The following TAF1D variants were observed in gnomAD, a reference collection of about 807,000 sequenced individuals.
TAF1D encodes the protein TATA box-binding protein-associated factor RNA polymerase I subunit D.
A neutral mutation model predicts 26.2 loss-of-function variants in TAF1D; 23 were observed. The observed-to-expected ratio is 0.88, with a 90% confidence interval of 0.63 to 1.25. The LOEUF (loss-of-function observed/expected upper bound fraction) is 1.25, where lower values mean the gene tolerates loss of function less well. Ranked by LOEUF, TAF1D falls within the 50% of genes most tolerant of loss-of-function variation. TAF1D has a pLI of 0.00. For synonymous variants in TAF1D, 100 were observed against 105.6 expected (o/e 0.95, Z 0.33); for missense variants, 299 against 322.0 (o/e 0.93, Z 0.55).
intron 1 of TAF1D, among the ~76,000 whole-genome samples, chr11:93,740,081 G>A (rs910880475): frequency 2.0e-5 from 3 of 151,774 alleles, no homozygotes; most frequent in Non-Finnish European, 2.9e-5. Flanking sequence ...GGTCGAGGCG[G>A]GCGGATCGCT....
chr11:93,732,423 A>G (rs1346336079), downstream of TAF1D: 3 of 518,984 alleles, frequency 5.8e-6, no homozygotes, highest in African/African-American at 1.9e-5. Flanking sequence ...ACGATGCCAG[A>G]TACTGAATTT....
intron 1 of TAF1D, among the ~76,000 whole-genome samples, chr11:93,739,978 A>AG (rs1027560776): frequency 8.6e-5 from 13 of 150,764 alleles, no homozygotes; most frequent in East Asian, 1.9e-4. Flanking sequence ...AAAAAAAAAA[A>AG]AAAAGAAAAA....
chr11:93,738,976 G>A (rs1057514323), intron 2 of TAF1D: 6 of 490,314 alleles, frequency 1.2e-5, no homozygotes, highest in Non-Finnish European at 2.2e-5. Flanking sequence ...CCGAACCGGA[G>A]GATGTAGTCT....
In TAF1D at chr11:93,738,244, TC is replaced by T. The variant is rs771380346; in HGVS notation, c.323del (p.Arg108AsnfsTer12). On this transcript the variant is annotated frameshift_variant, in exon 3 of 6. Transcript: ENST00000448108. LOFTEE classifies it high-confidence loss of function. ...ATATAGGATTTCTCCTTCCTTCTGG[TC>T]TTCCCCGTGGTCTTCCTGTTGGCTG... ...RYQPTGRPRGRPEGRRNPIYS... is the reference protein window; with the variant it reads ...RYQPTGRPRGXPEGRRNPIYS... The T allele has an allele frequency of 6.2e-7, 1 of 1,613,224 alleles. No individual in the cohort carries two copies. Among genetic ancestry groups the T allele is most frequent in the East Asian group, 2.2e-5 (1 of 44,866 alleles).
At chr11:93,734,713 A>C (rs1168267467), downstream of TAF1D, 3 of 1,286,652 alleles carry the variant, frequency 2.3e-6, no homozygotes, top group African/African-American at 4.6e-5. Context: ...TGGAATGCAA[A>C]ATTAATACTG....
At chr11:93,731,005 G>C (rs761395669), downstream of TAF1D, 1 of 518,576 alleles carries the variant, frequency 1.9e-6, no homozygotes, top group South Asian at 1.4e-5. Context: ...CTGATTGCTA[G>C]CAAAGTAGCA....
In TAF1D at chr11:93,739,313, CTT is replaced by C. The variant is rs769480253; in HGVS notation, c.-11_-10del. 2.9e-4 allele frequency: 464 copies of C among 1,602,236 alleles called. 1 individual carries two copies. The African/African-American group carries it at 4.9e-3, about 17-fold the overall frequency. ...ATTCCTGATTTATCCATCAATTGCTCTTTGTTTTAAACAGTTTTCTGAAATTA... is the reference window on the plus strand; with the variant it reads ...ATTCCTGATTTATCCATCAATTGCTCTGTTTTAAACAGTTTTCTGAAATTA... On this transcript the variant is annotated 5_prime_UTR_variant, in exon 2 of 6. Coordinates refer to ENST00000448108, the MANE Select transcript of TAF1D (RefSeq NM_024116.4).
At chr11:93,736,976 A>T (rs1940930061) in intron 4 of TAF1D, 88 bp downstream of exon 4, 1 of 1,229,862 alleles carries the variant, frequency 8.1e-7, no homozygotes, top group Non-Finnish European at 1.1e-6. Context: ...ATTTAAGTAT[A>T]ACTATATTAA....
chr11:93,736,788 C>T (rs1940890333), intron 4 of TAF1D, 37 bp from the exon 5 acceptor site: 1 of 1,573,846 alleles, frequency 6.4e-7, no homozygotes, highest in Admixed American at 1.8e-5. Flanking sequence ...ATGACAGAAT[C>T]TTCGATGACC....
rs1591292536 is a variant in TAF1D, at chr11:93,739,118, G to A, written c.68+119C>T. Reference sequence around the variant, plus strand: ...TCTATGTAACTAGATAAACTTGGAAGGTCAGTGAAATCTAGTTTTCCTTCT... The same window carrying A: ...TCTATGTAACTAGATAAACTTGGAAAGTCAGTGAAATCTAGTTTTCCTTCT... On this transcript the variant is annotated intron_variant, in intron 2 of 5. Transcript: ENST00000448108. 2.7e-5 allele frequency: 19 copies of A among 715,884 alleles called. No homozygotes were observed. The East Asian group carries it at 3.7e-4, about 14-fold the overall frequency. The allele number at this position is 715,884 out of a possible 1,614,324, so 44.3% of individuals were successfully genotyped here. A position where few individuals can be genotyped will look rare whatever the true frequency, so the allele number is the denominator to read the frequency against.
chr11:93,735,809 TTGGG>T lies in TAF1D; in HGVS notation c.*348_*351del, dbSNP rs1383070031. Reference sequence around the variant, plus strand: ...ATTTCAAATCCCCTCTTCAAGATGGTTGGGTGTCAAGTTACTTTAAGATTTTCTT... The same window carrying T: ...ATTTCAAATCCCCTCTTCAAGATGGTTGTCAAGTTACTTTAAGATTTTCTT... On this transcript the variant is annotated 3_prime_UTR_variant, in exon 6 of 6. Coordinates refer to ENST00000448108, the MANE Select transcript of TAF1D (RefSeq NM_024116.4). The T allele has an allele frequency of 1.9e-6, 2 of 1,065,672 alleles. No homozygotes were observed. The highest frequency in any genetic ancestry group is 5.7e-5 in the South Asian group (2 of 34,928). The allele number at this position is 1,065,672 out of a possible 1,614,324, so 66.0% of individuals were successfully genotyped here.
intron 4 of TAF1D, 150 bp from the exon 5 acceptor site, chr11:93,736,901 A>ACGGT: frequency 9.1e-7 from 1 of 1,096,268 alleles, no homozygotes; most frequent in Non-Finnish European, 1.3e-6. Context: ...TTCTAGATGA[A>ACGGT]CGGTGTGCCA....
chr11:93,736,724 AAG>A lies in TAF1D; in HGVS notation c.661_662del (p.Leu221Ter). Reference protein sequence around the residue: ...STAEDEDATHLEDNECDIKLA... With the variant: ...STAEDEDATHXEDNECDIKLA... ...ATTTGATATCACATTCGTTATCTTC[AAG>A]ATGTGTTGCATCCTCATCCTCTGCT... On this transcript the variant is annotated frameshift_variant, in exon 5 of 6. Coordinates refer to ENST00000448108, the MANE Select transcript of TAF1D (RefSeq NM_024116.4). LOFTEE classifies it low-confidence loss of function (END_TRUNC). 3.1e-6 allele frequency: 5 copies of A among 1,611,414 alleles called. No homozygotes were observed. Among genetic ancestry groups the A allele is most frequent in the Non-Finnish European group, 4.2e-6 (5 of 1,179,314 alleles).
chr11:93,738,395 C>T lies in TAF1D; in HGVS notation c.173G>A (p.Ser58Asn). 1.2e-6 allele frequency: 2 copies of T among 1,613,850 alleles called. No individual in the cohort carries two copies. Among genetic ancestry groups the T allele is most frequent in the Non-Finnish European group, 1.7e-6 (2 of 1,179,954 alleles). The part of the protein sequence containing the change: ...PIRKFVRTPE[S>N]VHASDSSSDS... The stretch of plus-strand genomic sequence containing the variant: ...ACTTGATGAATCACTTGCGTGAACA[C>T]TTTCAGGTGTACGAACAAATTTTCG... The change falls in exon 3 of 6, where the codon AGT (serine) becomes AAT (asparagine). Residue 58 changes from serine (S) to asparagine (N), a missense_variant. Transcript: ENST00000448108.
downstream of TAF1D, chr11:93,730,626 A>G (rs2135399702): frequency 1.8e-6 from 1 of 561,892 alleles, no homozygotes; most frequent in Non-Finnish European, 3.4e-6. Flanking sequence ...ACAGCCTCAT[A>G]AGCCCTCTTT....
downstream of TAF1D, chr11:93,732,326 A>AT (rs1230236924): frequency 3.9e-6 from 2 of 516,790 alleles, no homozygotes; most frequent in Non-Finnish European, 7.7e-6. Context: ...ATTTTAGAGT[A>AT]TATCAAACTG....
exon 12 of TAF1D, chr11:93,730,453 G>A (rs1469895748): frequency 5.3e-6 from 4 of 753,010 alleles, no homozygotes; most frequent in African/African-American, 1.7e-5. Context: ...TTGCCCTGAA[G>A]AAGAGAAATT....
At chr11:93,732,799 G>C (rs947129383), downstream of TAF1D, 4 of 231,924 alleles carry the variant, frequency 1.7e-5, no homozygotes, top group African/African-American at 9.2e-5. Flanking sequence ...TTCTTTTTAT[G>C]TAATTCATAT....
At position 93,740,373 on chromosome 11, in the gene TAF1D, G is replaced by A. The variant is rs1247065788; in HGVS notation, c.-28+949C>T. 8.3e-5 allele frequency among the ~76,000 whole-genome samples: 12 copies of A among 144,240 alleles called. No individual in the cohort carries two copies. In the East Asian group the frequency reaches 2.5e-3, roughly 31 times the overall value. 94.6% of individuals were successfully genotyped at this position (144,240 alleles called of 152,430 possible). On this transcript the variant is annotated intron_variant, in intron 1 of 5. Transcript: ENST00000448108. ...CGCTTAAGCCGCGGTGGAGGTTGCTGTTAGCCGAGATTGCACCACTGCACT... is the reference window on the plus strand; with the variant it reads ...CGCTTAAGCCGCGGTGGAGGTTGCTATTAGCCGAGATTGCACCACTGCACT...
Sources: allele counts gnomAD v4.1 joint callset (sites outside exome capture counted in the v4.1 genomes callset), GRCh38; gene constraint gnomAD v4.1.1; transcripts MANE v1.5; gene names NCBI Gene and HGNC (gene_info 2026-07-23, HGNC 2026-07-21).